SPATA7: variants seen among roughly 807,000 people sequenced by gnomAD.
The protein encoded by SPATA7 is spermatogenesis associated 7, also known as spermatogenesis-associated protein 7.
Under a neutral mutation model 51.8 loss-of-function variants are expected in SPATA7, and 43 were observed. The ratio of observed to expected loss-of-function variants is 0.83; its 90% CI spans 0.65 to 1.07. SPATA7 has a LOEUF of 1.07. Among genes scored for constraint, SPATA7 ranks in the 50% least tolerant of loss-of-function variants. The pLI, the probability that SPATA7 is intolerant of heterozygous loss-of-function variation, is 0.00. For missense variants in SPATA7, 683 were observed against 701.3 expected, an observed-to-expected ratio of 0.97 and a Z score of 0.30; for synonymous variants, 230 against 252.8, an observed-to-expected ratio of 0.91 and a Z score of 0.86.
At chr14:88,440,968 C>T (rs1010446977), downstream of SPATA7, among the ~76,000 whole-genome samples, 1 of 151,956 alleles carries the variant, frequency 6.6e-6, no homozygotes, top group East Asian at 1.9e-4. Flanking sequence ...GTCTTTTATC[C>T]CTCACTCCCC....
chr14:88,466,813 ATC>A (rs1276212511), intron 4 of SPATA7: 1 of 152,208 alleles, frequency 6.6e-6, no homozygotes, highest in Non-Finnish European at 1.5e-5. Flanking sequence ...TACCACAGCA[ATC>A]TCTGTGCACA....
Position 88,469,104 on chromosome 14 carries a change from T to G in SPATA7, c.255-743T>G. The stretch of plus-strand genomic sequence containing the variant: ...GTGGAAAATCAATGAAATAGAAAAG[T>G]ACTCAAGGATCAAGGCGTATCACAT... On this transcript the variant is annotated intron_variant, in intron 4 of 4. Transcript: ENST00000556406. The surrounding 1 kb of genome is among the most constrained non-coding windows in gnomAD (Gnocchi z 4.3). 6.3e-7 allele frequency: 1 copy of G among 1,595,946 alleles called. No homozygotes were observed. The highest frequency in any genetic ancestry group is 8.6e-7 in the Non-Finnish European group (1 of 1,166,992).
chr14:88,454,606 C>T (rs1222464460), intron 3 of SPATA7, among the ~76,000 whole-genome samples: 3 of 151,814 alleles, frequency 2.0e-5, no homozygotes, highest in East Asian at 1.9e-4. Context: ...AGTTCAAGAC[C>T]GACCAGCCTG....
At position 88,418,247 on chromosome 14, in the gene SPATA7, T is replaced by C. The variant is rs546594391; in HGVS notation, c.372+1403T>C. ...TGTATTTTGTTTTCTGTTTTGTTAA[T>C]ATCTGTGTTTATCTTTATTTCCCTC... On this transcript the variant is annotated intron_variant, in intron 5 of 11. Transcript: ENST00000393545. Among the ~76,000 whole-genome samples the C allele has an allele frequency of 8.6e-5, 13 of 151,834 alleles. No homozygotes were observed. The South Asian group carries it at 2.3e-3, about 27-fold the overall frequency.
At chr14:88,426,774 T>C (rs2076806869) in intron 6 of SPATA7, 70 bp downstream of exon 6, 1 of 1,370,066 alleles carries the variant, frequency 7.3e-7, no homozygotes, top group Non-Finnish European at 1.0e-6. Flanking sequence ...TTAATATTCC[T>C]TGTTTTCTGC....
At chr14:88,470,128 A>T in exon 5 of SPATA7, 1 of 1,449,624 alleles carries the variant, frequency 6.9e-7, no homozygotes, top group Non-Finnish European at 9.4e-7. Context: ...TCATGGTAGT[A>T]CTAAAAAAGT....
At chr14:88,429,605 G>C in intron 8 of SPATA7, 142 bp downstream of exon 8, 1 of 490,844 alleles carries the variant, frequency 2.0e-6, no homozygotes, top group Non-Finnish European at 3.6e-6. Flanking sequence ...AACAGTTTTA[G>C]TTTTACCAAG....
chr14:88,457,950 T>A (rs576712092), downstream of SPATA7, among the ~76,000 whole-genome samples: 812 of 152,254 alleles, frequency 5.3e-3, 13 homozygotes, highest in South Asian at 0.051. Context: ...CTGTTGAATT[T>A]TCTCAAAGGC....
At chr14:88,434,618 G>C (rs962353607) in intron 10 of SPATA7, among the ~76,000 whole-genome samples, 1 of 151,528 alleles carries the variant, frequency 6.6e-6, no homozygotes, top group African/African-American at 2.4e-5. Context: ...CCCGCAAGGC[G>C]GAGGTTGCAG....
chr14:88,469,514 G>A lies in SPATA7; in HGVS notation c.255-333G>A, dbSNP rs2077421814. On this transcript the variant is annotated intron_variant, in intron 4 of 4. Transcript: ENST00000556406. The surrounding 1 kb of genome is among the most constrained non-coding windows in gnomAD (Gnocchi z 4.3). ...AGTCACTCACATAAAAATCCCTTGA[G>A]GTCTTCTGGACAGCCATGTTCAGGC... is the stretch of plus-strand genomic sequence containing the variant. 1.2e-6 allele frequency: 2 copies of A among 1,613,410 alleles called. No individual in the cohort carries two copies. The highest frequency in any genetic ancestry group is 2.2e-5 in the East Asian group (1 of 44,882).
chr14:88,429,882 T>A lies in SPATA7; in HGVS notation c.1028+419T>A, dbSNP rs565973434. ...TAGTGCTTGACCAATCTGTGCTATA[T>A]GAAGACACTATTTATTTATTTATTT... On this transcript the variant is annotated intron_variant, in intron 8 of 11. Transcript: ENST00000393545. Among the ~76,000 whole-genome samples the A allele has an allele frequency of 1.5e-4, 19 of 123,736 alleles. No individual in the cohort carries two copies. The East Asian group carries it at 4.1e-3, about 27-fold the overall frequency. The allele number at this position is 123,736 out of a possible 152,430, so 81.2% of individuals were successfully genotyped here. A position where few individuals can be genotyped will look rare whatever the true frequency, so the allele number is the denominator to read the frequency against.
At chr14:88,448,134 G>A (rs1166476270) in intron 3 of SPATA7, among the ~76,000 whole-genome samples, 1 of 152,164 alleles carries the variant, frequency 6.6e-6, no homozygotes, top group African/African-American at 2.4e-5. Context: ...ATCAGACGTA[G>A]ATTTGGTCTT....
At chr14:88,390,354 G>T (rs73319874) in intron 1 of SPATA7, among the ~76,000 whole-genome samples, 5,354 of 151,764 alleles carry the variant, frequency 0.035, 306 homozygotes, top group African/African-American at 0.12. Context: ...CCAAGAAATC[G>T]CTTTCTATCT....
Position 88,426,391 on chromosome 14 carries a change from T to C in SPATA7, c.532T>C (p.Ser178Pro), listed in dbSNP as rs1445807757. 6.2e-7 allele frequency: 1 copy of C among 1,614,028 alleles called. No homozygotes were observed. The highest frequency in any genetic ancestry group is 2.2e-5 in the East Asian group (1 of 44,892). Residue 178 changes from serine to proline, a missense_variant, in exon 6 of 12, where the codon TCC becomes CCC. Ser to Pro is a moderately conservative substitution (Grantham distance 74). Transcript: ENST00000393545. ...AAATGGTCCTGAGAAGAACTCCAGT[T>C]CCTCCCCGTCCAGTGTGGATTATGC... ...ITNGPEKNSS[S>P]SPSSVDYAAS... is the part of the protein sequence containing the mutation.
chr14:88,426,112 G>A, intron 5 of SPATA7, 120 bp from the exon 6 acceptor site: 2 of 731,090 alleles, frequency 2.7e-6, no homozygotes, highest in Non-Finnish European at 2.4e-6. Flanking sequence ...ACATCTTCAG[G>A]AACATATCAG....
intron 3 of SPATA7, among the ~76,000 whole-genome samples, chr14:88,444,132 C>T: frequency 6.6e-6 from 1 of 151,898 alleles, no homozygotes; most frequent in Non-Finnish European, 1.5e-5. Context: ...TCTCCACATC[C>T]TCTCCAGCAC....
downstream of SPATA7, among the ~76,000 whole-genome samples, chr14:88,458,086 C>T (rs1017122335): frequency 6.6e-6 from 1 of 152,082 alleles, no homozygotes; most frequent in Non-Finnish European, 1.5e-5. Context: ...CCCACTTGAT[C>T]ATGGTGGATA....
At chr14:88,431,123 T>C in intron 8 of SPATA7, 49 bp from the exon 9 acceptor site, 1 of 1,514,090 alleles carries the variant, frequency 6.6e-7, no homozygotes, top group Non-Finnish European at 9.2e-7. Context: ...GAGTACTTAT[T>C]GTATGCCAAC....
At chr14:88,433,076 A>G in intron 9 of SPATA7, 59 bp from the exon 10 acceptor site, 4 of 1,319,144 alleles carry the variant, frequency 3.0e-6, no homozygotes, top group Non-Finnish European at 4.3e-6. Flanking sequence ...AATGTTTCTT[A>G]CAGTTTTCAG....
Sources: allele counts gnomAD v4.1 joint callset (sites outside exome capture counted in the v4.1 genomes callset), GRCh38; gene constraint gnomAD v4.1.1; non-coding constraint Gnocchi (gnomAD v3.1); transcripts MANE v1.5; gene names NCBI Gene and HGNC (gene_info 2026-07-23, HGNC 2026-07-21).